Variants in KCNAB2 observed in about 807,000 individuals in gnomAD.
KCNAB2 encodes potassium voltage-gated channel subfamily A regulatory beta subunit 2.
Under a neutral mutation model 63.6 loss-of-function variants are expected in KCNAB2, and 29 were observed. That is an observed-to-expected ratio of 0.46 (90% CI 0.34 to 0.62). KCNAB2 has a LOEUF of 0.62. Ranked by LOEUF, KCNAB2 falls within the 20% of genes least tolerant of loss-of-function variation. The pLI, the probability that KCNAB2 is intolerant of heterozygous loss-of-function variation, is 0.01. For missense variants in KCNAB2, 359 were observed against 563.9 expected (o/e 0.64, Z 3.68); for synonymous variants, 222 against 224.2 (o/e 0.99, Z 0.09).
chr1:6,085,313 C>G (rs1350145822), intron 6 of KCNAB2, 65 bp downstream of exon 6: 9 of 1,437,512 alleles, frequency 6.3e-6, no homozygotes, highest in Non-Finnish European at 8.8e-6. Context: ...CCAGGGTCAG[C>G]CTCGTCGGCC....
intron 1 of KCNAB2, among the ~76,000 whole-genome samples, chr1:6,019,727 GCA>G (rs887850744): frequency 6.6e-6 from 1 of 152,186 alleles, no homozygotes; most frequent in African/African-American, 2.4e-5. Flanking sequence ...AGCACGTGCT[GCA>G]CAGTGTCGGC....
At chr1:6,079,543 C>T (rs1664018600) in intron 4 of KCNAB2, among the ~76,000 whole-genome samples, 1 of 151,938 alleles carries the variant, frequency 6.6e-6, no homozygotes. Context: ...TAACCCCAGT[C>T]TTGGATATTC....
upstream of KCNAB2, among the ~76,000 whole-genome samples, chr1:6,043,663 A>G (rs892554923): frequency 2.6e-5 from 4 of 152,286 alleles, no homozygotes; most frequent in East Asian, 7.7e-4. Context: ...GGGCACCCTC[A>G]TCACACCAAG....
chr1:6,044,188 G>A (rs572209000), upstream of KCNAB2, among the ~76,000 whole-genome samples: 1 of 152,326 alleles, frequency 6.6e-6, no homozygotes, highest in Admixed American at 6.5e-5. Context: ...CCAGTGGGAG[G>A]AGCTATAAAG....
chr1:6,057,993 A>T (rs891670692), intron 2 of KCNAB2, among the ~76,000 whole-genome samples: 2 of 152,180 alleles, frequency 1.3e-5, no homozygotes. Context: ...TCTACAAAAA[A>T]TGCAAAAAAT....
chr1:6,088,408 A>T (rs995988544), intron 7 of KCNAB2, among the ~76,000 whole-genome samples: 11 of 151,246 alleles, frequency 7.3e-5, no homozygotes, highest in South Asian at 4.2e-4. Flanking sequence ...ATTTTTATTT[A>T]TATTTTTATT....
intron 1 of KCNAB2, among the ~76,000 whole-genome samples, chr1:6,023,740 G>A (rs919724995): frequency 3.3e-5 from 5 of 152,034 alleles, no homozygotes; most frequent in African/African-American, 1.2e-4. Flanking sequence ...ACTCTGGGTT[G>A]CCTTATTACT....
intron 1 of KCNAB2, among the ~76,000 whole-genome samples, chr1:6,050,532 C>G (rs1357789890): frequency 1.3e-5 from 2 of 152,242 alleles, no homozygotes; most frequent in Non-Finnish European, 2.9e-5. Context: ...TCTGGACACA[C>G]GCTTTCTCCC....
chr1:6,075,710 T>A (rs940320435), intron 4 of KCNAB2, among the ~76,000 whole-genome samples: 4 of 152,280 alleles, frequency 2.6e-5, no homozygotes, highest in African/African-American at 7.2e-5. Context: ...CTGCTTTTTT[T>A]GTTTTTCAGT....
In KCNAB2 at chr1:6,099,901, GTC is replaced by G; in HGVS notation, c.*1329_*1330del. On this transcript the variant is annotated 3_prime_UTR_variant, in exon 16 of 16. Coordinates refer to ENST00000378083, the MANE Select transcript of KCNAB2 (RefSeq NM_001199862.2). Reference sequence around the variant, plus strand: ...GCCGGAGGGCAAGGGATGCCAGTAAGTCTGCAGGTGCGGGGTGCCACCTACAG... The same window carrying G: ...GCCGGAGGGCAAGGGATGCCAGTAAGTGCAGGTGCGGGGTGCCACCTACAG... 1 of 1,550,386 alleles carries G rather than the reference GTC, an allele frequency of 6.5e-7. No homozygotes were observed. Among genetic ancestry groups the G allele is most frequent in the Non-Finnish European group, 8.7e-7 (1 of 1,146,896 alleles).
In KCNAB2 at chr1:6,073,608, C is replaced by T; in HGVS notation, c.263-125C>T. 1 of 846,568 alleles carries T rather than the reference C, an allele frequency of 1.2e-6. No individual in the cohort carries two copies. The highest frequency in any genetic ancestry group is 2.0e-6 in the Non-Finnish European group (1 of 493,064). 52.4% of individuals were successfully genotyped at this position (846,568 alleles called of 1,614,324 possible). ...CCACACACACTAAGGACACCCTGGCCACAGAGCAGCACAGAGGGACACCTG... is the reference window on the plus strand; with the variant it reads ...CCACACACACTAAGGACACCCTGGCTACAGAGCAGCACAGAGGGACACCTG... On this transcript the variant is annotated intron_variant, in intron 3 of 15. Coordinates refer to ENST00000378083, the MANE Select transcript of KCNAB2 (RefSeq NM_001199862.2). The surrounding 1 kb of genome is among the most constrained non-coding windows in gnomAD (Gnocchi z 5.7).
chr1:6,013,872 C>T (rs759390998), intron 1 of KCNAB2, among the ~76,000 whole-genome samples: 2 of 152,132 alleles, frequency 1.3e-5, no homozygotes, highest in Non-Finnish European at 2.9e-5. Context: ...GCTCACCCTA[C>T]GAGGAGGCCT....
At chr1:6,004,748 A>G (rs1356311487) in intron 1 of KCNAB2, among the ~76,000 whole-genome samples, 1 of 152,062 alleles carries the variant, frequency 6.6e-6, no homozygotes. Flanking sequence ...ATAATTCCAC[A>G]TCGACAGGTA....
Position 6,086,380 on chromosome 1 carries a change from T to C in KCNAB2, c.426-1087T>C. 1 of 985,352 alleles carries C rather than the reference T, an allele frequency of 1.0e-6. No individual in the cohort carries two copies. The highest frequency in any genetic ancestry group is 1.2e-6 in the Non-Finnish European group (1 of 829,856). The allele number at this position is 985,352 out of a possible 1,614,324, so 61.0% of individuals were successfully genotyped here. On this transcript the variant is annotated intron_variant, in intron 6 of 15. Transcript: ENST00000378083. The surrounding 1 kb of genome is among the most constrained non-coding windows in gnomAD (Gnocchi z 4.2). The stretch of plus-strand genomic sequence containing the variant: ...TTGCACGTATTAGCAAATCCCCTGA[T>C]CACGTCTTTGGCGAATGTGCATGGA...
chr1:6,000,180 G>A (rs941402174), intron 1 of KCNAB2, among the ~76,000 whole-genome samples: 3 of 150,008 alleles, frequency 2.0e-5, no homozygotes, highest in Non-Finnish European at 4.4e-5. Flanking sequence ...CCAGCCCCCC[G>A]CACCCCCTAG....
rs927817785 is a variant in KCNAB2, at chr1:5,994,428, C to G, written c.-53+1640C>G. Among the ~76,000 whole-genome samples the G allele has an allele frequency of 7.9e-4, 120 of 152,350 alleles. 1 individual carries two copies. The highest frequency in any genetic ancestry group is 2.7e-3 in the African/African-American group (114 of 41,574). ...GGTCCTCCAGGTCCTGTCATTGTCT[C>G]CACGGCCACACTCGGCCTCAGTGGC... is the stretch of plus-strand genomic sequence containing the variant. On this transcript the variant is annotated intron_variant, in intron 1 of 16. Transcript: ENST00000341524. The surrounding 1 kb of genome is among the most constrained non-coding windows in gnomAD (Gnocchi z 5.4).
chr1:6,009,185 C>T (rs1657999987), intron 1 of KCNAB2, among the ~76,000 whole-genome samples: 1 of 152,218 alleles, frequency 6.6e-6, no homozygotes, highest in African/African-American at 2.4e-5. Context: ...CTGGCCACCC[C>T]GCCCTCTGTA....
intron 8 of KCNAB2, among the ~76,000 whole-genome samples, chr1:6,089,448 C>T (rs796437905): frequency 1.4e-4 from 21 of 152,384 alleles, no homozygotes; most frequent in African/African-American, 5.0e-4. Flanking sequence ...CAGCCCGGGG[C>T]TCAGCACTCG....
At chr1:5,992,921 G>C (rs1477741565) in intron 1 of KCNAB2, 1 of 152,646 alleles carries the variant, frequency 6.6e-6, no homozygotes, top group African/African-American at 2.4e-5. Context: ...CCCCGGCCCT[G>C]CGTCCCTGCC....
Sources: allele counts gnomAD v4.1 joint callset (sites outside exome capture counted in the v4.1 genomes callset), GRCh38; gene constraint gnomAD v4.1.1; non-coding constraint Gnocchi (gnomAD v3.1); transcripts MANE v1.5; gene names NCBI Gene and HGNC (gene_info 2026-07-23, HGNC 2026-07-21).